The following EYS variants were observed in gnomAD, a reference collection of about 807,000 sequenced individuals.
EYS encodes the protein protein eyes shut homolog.
In EYS, 250 loss-of-function variants were observed where a neutral mutation model predicts 282.1. The ratio of observed to expected loss-of-function variants is 0.89; its 90% CI spans 0.80 to 0.98. The LOEUF is 0.98. Ranked by LOEUF, EYS falls within the 50% of genes least tolerant of loss-of-function variation. EYS has a pLI of 0.00. For synonymous variants in EYS, 1,355 were observed against 1,282.9 expected (o/e 1.06, Z -1.20); for missense variants, 4,016 against 3,709.0 (o/e 1.08, Z -2.15).
chr6:64,261,693 T>A (rs185032396), intron 30 of EYS, among the ~76,000 whole-genome samples: 1 of 152,204 alleles, frequency 6.6e-6, no homozygotes, highest in Admixed American at 6.5e-5. Context: ...TGGTATGAAC[T>A]ACATTGTTTT....
At chr6:65,544,921 A>T (rs943811194) in intron 2 of EYS, among the ~76,000 whole-genome samples, 5 of 152,170 alleles carry the variant, frequency 3.3e-5, no homozygotes, top group Admixed American at 2.0e-4. Context: ...TTTATAAAAT[A>T]ATTTAAAAGA....
At chr6:63,934,323 T>C (rs1047155578) in intron 35 of EYS, among the ~76,000 whole-genome samples, 1 of 152,154 alleles carries the variant, frequency 6.6e-6, no homozygotes, top group African/African-American at 2.4e-5. Flanking sequence ...AGTTCAACCA[T>C]TGTGGAAGTC....
chr6:65,400,085 A>T (rs1766435544), intron 7 of EYS, among the ~76,000 whole-genome samples: 1 of 151,968 alleles, frequency 6.6e-6, no homozygotes, highest in African/African-American at 2.4e-5. Context: ...CCTTGAAAAA[A>T]TTTACCTGCT....
At chr6:65,071,214 G>GA (rs896381997) in intron 12 of EYS, among the ~76,000 whole-genome samples, 93 of 150,908 alleles carry the variant, frequency 6.2e-4, no homozygotes, top group African/African-American at 2.1e-3. Context: ...GTAGAATTTA[G>GA]AAAAAAAACA....
chr6:64,668,190 A>G (rs1490032357), intron 22 of EYS, among the ~76,000 whole-genome samples: 1 of 152,218 alleles, frequency 6.6e-6, no homozygotes, highest in Non-Finnish European at 1.5e-5. Flanking sequence ...CAATGTTAAG[A>G]TATCAATTAT....
At chr6:64,864,442 G>A (rs1375517175) in intron 19 of EYS, among the ~76,000 whole-genome samples, 1 of 122,880 alleles carries the variant, frequency 8.1e-6, no homozygotes, top group Non-Finnish European at 1.7e-5. Flanking sequence ...CTGGAGTGCA[G>A]TGGTGCAATC....
intron 22 of EYS, among the ~76,000 whole-genome samples, chr6:64,680,542 T>C (rs1033943291): frequency 6.6e-6 from 1 of 152,136 alleles, no homozygotes; most frequent in African/African-American, 2.4e-5. Flanking sequence ...TCAACAGATA[T>C]TGTATCTCAC....
At chr6:63,843,887 G>C (rs757536051) in intron 36 of EYS, among the ~76,000 whole-genome samples, 36 of 152,176 alleles carry the variant, frequency 2.4e-4, no homozygotes, top group Non-Finnish European at 4.3e-4. Flanking sequence ...TACATGTGCA[G>C]GGTGTGCAGG....
intron 22 of EYS, among the ~76,000 whole-genome samples, chr6:64,760,187 TC>T: frequency 1.3e-5 from 2 of 152,268 alleles, no homozygotes; most frequent in East Asian, 3.9e-4. Flanking sequence ...TTTTGATCTT[TC>T]CCCCATCAGC....
At chr6:65,274,907 AAGG>A (rs1421828868) in intron 12 of EYS, among the ~76,000 whole-genome samples, 21 of 50,464 alleles carry the variant, frequency 4.2e-4, no homozygotes, top group Non-Finnish European at 3.3e-4. Flanking sequence ...GCCAAAAAAA[AAGG>A]AGAGAGAGAG....
At chr6:65,353,354 C>T (rs898898282) in intron 9 of EYS, 104 bp downstream of exon 9, 11 of 962,888 alleles carry the variant, frequency 1.1e-5, no homozygotes, top group African/African-American at 5.0e-5. Flanking sequence ...GTTTATATTA[C>T]GTTTTGAGAT....
rs1051591199 is a variant in EYS at position 65,152,356 on chromosome 6, C to T, written c.2024-94629G>A. 1.1e-4 allele frequency among the ~76,000 whole-genome samples: 16 copies of T among 151,804 alleles called. 1 individual carries two copies. Among genetic ancestry groups the T allele is most frequent in the Admixed American group, 8.6e-4 (13 of 15,162 alleles). ...AGTGTTGAAGCTCTAACCCCTAGTA[C>T]CTCAAAATGTGACTTTATTTGGAAA... On this transcript the variant is annotated intron_variant, in intron 12 of 42. Coordinates refer to ENST00000503581, the MANE Select transcript of EYS (RefSeq NM_001142800.2).
At chr6:65,395,928 T>C (rs1360178697) in intron 7 of EYS, among the ~76,000 whole-genome samples, 1 of 152,208 alleles carries the variant, frequency 6.6e-6, no homozygotes, top group Non-Finnish European at 1.5e-5. Flanking sequence ...AAATTTTACA[T>C]ATTAGTTAGA....
At chr6:64,978,269 G>A (rs1770536995) in intron 14 of EYS, among the ~76,000 whole-genome samples, 2 of 151,774 alleles carry the variant, frequency 1.3e-5, no homozygotes, top group Admixed American at 1.3e-4. Context: ...CAAATACTAA[G>A]GCCCTTAATA....
At chr6:64,962,459 G>A (rs1769953254) in intron 14 of EYS, among the ~76,000 whole-genome samples, 1 of 151,950 alleles carries the variant, frequency 6.6e-6, no homozygotes, top group Non-Finnish European at 1.5e-5. Flanking sequence ...GGTGGGGCAT[G>A]GTGGCTCATG....
chr6:64,178,686 T>A (rs912223407), intron 31 of EYS, among the ~76,000 whole-genome samples: 3 of 152,010 alleles, frequency 2.0e-5, no homozygotes, highest in African/African-American at 7.2e-5. Flanking sequence ...AAACAAAGGA[T>A]TTTTTAGCAT....
At chr6:64,453,601 C>G (rs553405157) in intron 26 of EYS, among the ~76,000 whole-genome samples, 3 of 152,146 alleles carry the variant, frequency 2.0e-5, no homozygotes, top group Non-Finnish European at 4.4e-5. Flanking sequence ...AGACTTGGAA[C>G]CAACCCAAAT....
At chr6:63,984,250 G>A in intron 35 of EYS, 133 bp downstream of exon 35, 1 of 653,810 alleles carries the variant, frequency 1.5e-6, no homozygotes, top group Non-Finnish European at 2.7e-6. Flanking sequence ...CATCATTTAG[G>A]TGATGCATAG....
intron 13 of EYS, among the ~76,000 whole-genome samples, chr6:65,002,019 A>G (rs372708643): frequency 2.1e-5 from 3 of 140,232 alleles, no homozygotes; most frequent in African/African-American, 7.5e-5. Context: ...AGAAAAAATC[A>G]TATATTAAAA....
Sources: allele counts gnomAD v4.1 joint callset (sites outside exome capture counted in the v4.1 genomes callset), GRCh38; gene constraint gnomAD v4.1.1; transcripts MANE v1.5; gene names NCBI Gene and HGNC (gene_info 2026-07-23, HGNC 2026-07-21).